Variants in PPP1R37 observed in about 807,000 individuals in gnomAD.
PPP1R37 encodes protein phosphatase 1 regulatory subunit 37, also known as leucine rich repeat containing 68.
A neutral mutation model predicts 61.0 loss-of-function variants in PPP1R37; 21 were observed. That is an observed-to-expected ratio of 0.34 (90% CI 0.24 to 0.50). The LOEUF (loss-of-function observed/expected upper bound fraction) is 0.50, where lower values mean the gene tolerates loss of function less well. Ranked by LOEUF, PPP1R37 falls within the 20% of genes least tolerant of loss-of-function variation. PPP1R37 has a pLI of 0.98. For synonymous variants in PPP1R37, 443 were observed against 433.5 expected, an observed-to-expected ratio of 1.02 and a Z score of -0.27; for missense variants, 910 against 952.7, an observed-to-expected ratio of 0.96 and a Z score of 0.59.
chr19:45,105,618 A>G (rs555861411), intron 1 of PPP1R37, among the ~76,000 whole-genome samples: 5 of 152,210 alleles, frequency 3.3e-5, no homozygotes, highest in African/African-American at 9.6e-5. Context: ...CACCCAGCCA[A>G]GCTTCCATGA....
intron 1 of PPP1R37, among the ~76,000 whole-genome samples, chr19:45,102,391 C>G (rs1968075606): frequency 6.6e-6 from 1 of 152,194 alleles, no homozygotes; most frequent in Non-Finnish European, 1.5e-5. Flanking sequence ...CCAGCTCTGC[C>G]CTTGGGCAAA....
In PPP1R37 at chr19:45,141,413, G is replaced by T. The variant is rs1968610041; in HGVS notation, c.539G>T (p.Trp180Leu). Residue 180 changes from tryptophan (W) to leucine (L), a missense_variant, in exon 5 of 13, where the codon TGG becomes TTG. By Grantham distance (61) the Trp-to-Leu change is moderately conservative (BLOSUM62 -2). Coordinates refer to ENST00000221462, the MANE Select transcript of PPP1R37 (RefSeq NM_019121.2). ...SFNKHIGTRG[W>L]QAAAHMMRKT... ...AACAAGCACATCGGCACCCGGGGCT[G>T]GCAGGCGGCCGCCCACATGATGCGC... 1 of 1,535,808 alleles carries T rather than the reference G, an allele frequency of 6.5e-7. No individual in the cohort carries two copies. Among genetic ancestry groups the T allele is most frequent in the Non-Finnish European group, 8.7e-7 (1 of 1,146,810 alleles).
In PPP1R37 at chr19:45,144,695, G is replaced by C. The variant is rs559202234; in HGVS notation, c.988-159G>C. ...AGGCACAGGAGGGACTTCAGGCCAG[G>C]CCTGCGGCAGGGCAGGACGGCGCCG... On this transcript the variant is annotated intron_variant, in intron 8 of 12. Transcript: ENST00000221462. The C allele has an allele frequency of 1.0e-4, 65 of 624,718 alleles. 1 individual carries two copies. In the South Asian group the frequency reaches 1.3e-3, roughly 13 times the overall value. 38.7% of individuals were successfully genotyped at this position (624,718 alleles called of 1,614,324 possible).
chr19:45,122,491 C>T (rs1462540255), intron 1 of PPP1R37, among the ~76,000 whole-genome samples: 1 of 152,186 alleles, frequency 6.6e-6, no homozygotes, highest in Non-Finnish European at 1.5e-5. Flanking sequence ...GAGTTCTCCC[C>T]TCATTATAGC....
chr19:45,125,958 T>A (rs770629976), intron 1 of PPP1R37, among the ~76,000 whole-genome samples: 1 of 152,206 alleles, frequency 6.6e-6, no homozygotes, highest in Non-Finnish European at 1.5e-5. Flanking sequence ...CTGCTGCAAG[T>A]GCACAGGCTT....
At chr19:45,115,270 A>C (rs1028192590) in intron 1 of PPP1R37, among the ~76,000 whole-genome samples, 4 of 152,202 alleles carry the variant, frequency 2.6e-5, no homozygotes, top group African/African-American at 9.7e-5. Context: ...GCTGGTGGGT[A>C]GGTACCTGGC....
intron 1 of PPP1R37, chr19:45,128,960 A>AGG (rs1185395744): frequency 1.3e-6 from 1 of 777,102 alleles, no homozygotes; most frequent in Non-Finnish European, 2.2e-6. Context: ...GCTGTGGAGA[A>AGG]GGGACCCTGA....
intron 1 of PPP1R37, among the ~76,000 whole-genome samples, chr19:45,100,678 G>T (rs10417618): frequency 1.3e-5 from 2 of 152,106 alleles, no homozygotes; most frequent in African/African-American, 4.8e-5. Context: ...CGTGCCATAC[G>T]GTCTCTTCAT....
chr19:45,123,030 C>T (rs1372788094), intron 1 of PPP1R37, among the ~76,000 whole-genome samples: 1 of 152,208 alleles, frequency 6.6e-6, no homozygotes, highest in African/African-American at 2.4e-5. Flanking sequence ...TTTGTCATCT[C>T]TGAGACTTTT....
chr19:45,104,536 C>T (rs1484172346), intron 1 of PPP1R37, among the ~76,000 whole-genome samples: 1 of 152,196 alleles, frequency 6.6e-6, no homozygotes. Flanking sequence ...TGTTTTGCCT[C>T]CACTTTGCTG....
In PPP1R37 at chr19:45,142,063, G is replaced by A. The variant is rs1180691608; in HGVS notation, c.570G>A (p.Thr190=). ...CCCCTGTCCTCTTGCCCCTGCAGAC[G>A]AGCTGCCTGCAGTATCTGGACGCCC... ...WQAAAHMMRK[T]SCLQYLDARN... is the part of the protein sequence containing the mutation. The change falls in exon 6 of 13, where the codon ACG becomes ACA. Residue 190 remains threonine (T), a splice_region_variant and synonymous_variant. Coordinates refer to ENST00000221462, the MANE Select transcript of PPP1R37 (RefSeq NM_019121.2). The A allele has an allele frequency of 5.3e-6, 8 of 1,514,738 alleles. No homozygotes were observed. The highest frequency in any genetic ancestry group is 4.0e-5 in the Admixed American group (2 of 49,710). 93.8% of individuals were successfully genotyped at this position (1,514,738 alleles called of 1,614,324 possible). A position where few individuals can be genotyped will look rare whatever the true frequency, so the allele number is the denominator to read the frequency against.
In PPP1R37 at chr19:45,093,444, A is replaced by G. The variant is rs780527547; in HGVS notation, c.119A>G (p.Lys40Arg). ...PASPPADGRL[K>R]AAAKRVTFPS... ...TCGCCCCCCGCCGATGGGCGCCTCA[A>G]GGCTGCAGCCAAGCGCGTCACATTC... Residue 40 changes from lysine to arginine, a missense_variant, in exon 1 of 13, where the codon AAG becomes AGG. Lys to Arg is a conservative substitution (Grantham distance 26). This residue lies in a region of PPP1R37 where 81 missense variants were observed against 65.4 expected (regional missense o/e 1.24). Coordinates refer to ENST00000221462, the MANE Select transcript of PPP1R37 (RefSeq NM_019121.2). The G allele has an allele frequency of 1.0e-5, 16 of 1,535,376 alleles. 1 individual carries two copies. In the South Asian group the frequency reaches 1.8e-4, roughly 17 times the overall value.
At chr19:45,143,713 T>C (rs1209621323) in intron 8 of PPP1R37, 80 bp downstream of exon 8, 4 of 790,858 alleles carry the variant, frequency 5.1e-6, no homozygotes, top group East Asian at 2.8e-5. Flanking sequence ...CAGTTGCCTC[T>C]AGCTGACGGC....
At chr19:45,115,059 G>A (rs1028141707) in intron 1 of PPP1R37, among the ~76,000 whole-genome samples, 1 of 152,274 alleles carries the variant, frequency 6.6e-6, no homozygotes, top group South Asian at 2.1e-4. Flanking sequence ...TGCATTCAGC[G>A]AGTATTGAGC....
At chr19:45,117,515 G>A (rs1213804783) in intron 1 of PPP1R37, among the ~76,000 whole-genome samples, 1 of 152,178 alleles carries the variant, frequency 6.6e-6, no homozygotes, top group East Asian at 1.9e-4. Flanking sequence ...GGTCTCCTAA[G>A]CTAATTGTGC....
chr19:45,127,876 G>A (rs1300275808), intron 1 of PPP1R37, among the ~76,000 whole-genome samples: 1 of 151,250 alleles, frequency 6.6e-6, no homozygotes, highest in African/African-American at 2.4e-5. Flanking sequence ...TAGGGAGGCT[G>A]AGGCAGGAGA....
chr19:45,132,248 AT>A (rs1485311836), intron 1 of PPP1R37, among the ~76,000 whole-genome samples: 3 of 152,216 alleles, frequency 2.0e-5, no homozygotes, highest in Non-Finnish European at 4.4e-5. Context: ...CACATGGTGG[AT>A]TTACTGCATG....
rs1407536463 is a variant in PPP1R37, at chr19:45,144,910, G to A, written c.1044G>A (p.Glu348=). Residue 348 remains glutamate (E), a synonymous_variant, in exon 9 of 13, where the codon GAG becomes GAA. Transcript: ENST00000221462. ...TGGGCCACAACCCCATCGGGAACGA[G>A]GGTGTGCGGCACCTCAAGAACGGGC... ...LNLGHNPIGN[E]GVRHLKNGLI... The A allele has an allele frequency of 2.6e-6, 4 of 1,535,746 alleles. No homozygotes were observed. The highest frequency in any genetic ancestry group is 3.9e-5 in the Admixed American group (2 of 50,978).
intron 8 of PPP1R37, chr19:45,143,837 CT>C (rs377714549): frequency 0.068 from 24,572 of 359,378 alleles, 313 homozygotes; most frequent in African/African-American, 0.13. Flanking sequence ...TCATTATCTC[CT>C]TTTTTTTTTT....
Sources: gnomAD v4.1 joint callset for allele counts (sites outside exome capture counted in the v4.1 genomes callset) on GRCh38, gnomAD v4.1.1 for gene constraint, gnomAD v4.1.1 regional missense constraint, MANE v1.5 for transcripts, NCBI Gene and HGNC (gene_info 2026-07-23, HGNC 2026-07-21) for gene names.